GALNT17: variants seen among roughly 807,000 people sequenced by gnomAD.
GALNT17 encodes polypeptide N-acetylgalactosaminyltransferase 17.
Under a neutral mutation model 63.7 loss-of-function variants are expected in GALNT17, and 29 were observed. The observed-to-expected ratio is 0.46, with a 90% CI of 0.34 to 0.62. The LOEUF is 0.62. GALNT17 is among the 20% of genes least tolerant of loss of function. The pLI is 0.01. For synonymous variants in GALNT17, 305 were observed against 318.3 expected, an observed-to-expected ratio of 0.96 and a Z score of 0.45; for missense variants, 603 against 799.6, an observed-to-expected ratio of 0.75 and a Z score of 2.97.
At chr7:71,462,960 G>A (rs992435196) in intron 5 of GALNT17, among the ~76,000 whole-genome samples, 1 of 152,186 alleles carries the variant, frequency 6.6e-6, no homozygotes, top group Non-Finnish European at 1.5e-5. Flanking sequence ...CACTGAGACA[G>A]CAGATTGCAG....
chr7:71,538,829 TGGAC>T (rs562617442), intron 5 of GALNT17, among the ~76,000 whole-genome samples: 9 of 147,880 alleles, frequency 6.1e-5, no homozygotes, highest in African/African-American at 1.8e-4. Context: ...GACGGACAGT[TGGAC>T]GGAGGGAGAG....
chr7:71,276,356 C>T (rs560149955), intron 1 of GALNT17, among the ~76,000 whole-genome samples: 2 of 152,274 alleles, frequency 1.3e-5, no homozygotes, highest in South Asian at 4.1e-4. Flanking sequence ...TTAAAAGATA[C>T]CTGCACTTGT....
intron 5 of GALNT17, among the ~76,000 whole-genome samples, chr7:71,516,041 G>C (rs142575519): frequency 6.6e-6 from 1 of 152,078 alleles, no homozygotes; most frequent in Non-Finnish European, 1.5e-5. Context: ...TCTTGCAATC[G>C]GTCAACTGCA....
chr7:71,142,460 C>T (rs901886154), intron 1 of GALNT17, among the ~76,000 whole-genome samples: 3 of 152,188 alleles, frequency 2.0e-5, no homozygotes, highest in Non-Finnish European at 4.4e-5. Flanking sequence ...GAAATGGCAG[C>T]CTGTCTGACA....
intron 1 of GALNT17, among the ~76,000 whole-genome samples, chr7:71,183,134 CTG>C (rs1225442012): frequency 6.6e-6 from 1 of 152,128 alleles, no homozygotes; most frequent in African/African-American, 2.4e-5. Flanking sequence ...AAGGCGGAAA[CTG>C]TGCCAGAGAT....
At chr7:71,465,621 T>C (rs1787522901) in intron 5 of GALNT17, among the ~76,000 whole-genome samples, 1 of 152,220 alleles carries the variant, frequency 6.6e-6, no homozygotes, top group African/African-American at 2.4e-5. Context: ...CTCCTCCTAC[T>C]GTGTCCAAAC....
intron 1 of GALNT17, among the ~76,000 whole-genome samples, chr7:71,237,913 G>A (rs1789924664): frequency 1.3e-5 from 2 of 152,258 alleles, no homozygotes; most frequent in African/African-American, 4.8e-5. Flanking sequence ...ATGCGTTAGG[G>A]GGCACCCGTT....
intron 6 of GALNT17, among the ~76,000 whole-genome samples, chr7:71,573,337 T>A (rs905224517): frequency 2.1e-4 from 31 of 150,780 alleles, no homozygotes; most frequent in African/African-American, 5.9e-4. Flanking sequence ...TTTATTTATT[T>A]ATTTATTTTT....
rs1255244697 is a variant in GALNT17, at chr7:71,377,093, A to T, written c.423-11142A>T. On this transcript the variant is annotated intron_variant, in intron 2 of 10. Coordinates refer to ENST00000333538, the MANE Select transcript of GALNT17 (RefSeq NM_022479.3). ...AGAGCGATATTCCATCTCAAAAAAAAAAAAAAATAAAAATAAAAAAAATAT... is the reference window on the plus strand; with the variant it reads ...AGAGCGATATTCCATCTCAAAAAAATAAAAAAATAAAAATAAAAAAAATAT... Among the ~76,000 whole-genome samples, 50 of 65,386 alleles carry T rather than the reference A, an allele frequency of 7.6e-4. 8 individuals are homozygous for T. The highest frequency in any genetic ancestry group is 5.0e-4 in the Non-Finnish European group (18 of 35,816). 42.9% of individuals were successfully genotyped at this position (65,386 alleles called of 152,430 possible). A position where few individuals can be genotyped will look rare whatever the true frequency, so the allele number is the denominator to read the frequency against.
chr7:71,710,916 G>T lies in GALNT17; in HGVS notation c.1656G>T (p.Trp552Cys), dbSNP rs1215444501. 6.2e-7 allele frequency: 1 copy of T among 1,613,746 alleles called. No individual in the cohort carries two copies. The highest frequency in any genetic ancestry group is 1.7e-5 in the Admixed American group (1 of 60,022). Residue 552 changes from tryptophan (W) to cysteine (C), a missense_variant, in exon 10 of 11, where the codon TGG (tryptophan) becomes TGT (cysteine). Trp to Cys is a radical substitution (Grantham distance 215). This residue lies in a region of GALNT17 where 72 missense variants were observed against 76.9 expected (regional missense o/e 0.94). Transcript: ENST00000333538. Reference protein sequence around the residue: ...DKVKSSLYKRWNFIQNGAIMN... With the variant: ...DKVKSSLYKRCNFIQNGAIMN... ...TCAAGAGCAGCCTGTACAAGCGCTG[G>T]AACTTCATCCAGGTGAGTGCTGTAT...
At chr7:71,442,298 G>A (rs1000740956) in intron 5 of GALNT17, among the ~76,000 whole-genome samples, 21 of 152,198 alleles carry the variant, frequency 1.4e-4, no homozygotes, top group African/African-American at 4.8e-4. Flanking sequence ...CCGGGTTTAC[G>A]CCATTCTCCT....
chr7:71,547,690 G>C (rs574820305), intron 5 of GALNT17, among the ~76,000 whole-genome samples: 1 of 152,264 alleles, frequency 6.6e-6, no homozygotes, highest in African/African-American at 2.4e-5. Context: ...CATTGATAAT[G>C]AAAGCAGTTT....
intron 8 of GALNT17, among the ~76,000 whole-genome samples, chr7:71,671,512 A>G (rs553197891): frequency 3.9e-5 from 6 of 152,314 alleles, no homozygotes; most frequent in African/African-American, 1.4e-4. Flanking sequence ...GGAATTTGGA[A>G]TGGGATGCTC....
At chr7:71,624,083 T>G (rs765822633) in intron 6 of GALNT17, among the ~76,000 whole-genome samples, 3 of 152,150 alleles carry the variant, frequency 2.0e-5, no homozygotes, top group Admixed American at 6.5e-5. Context: ...CTTTGCGATG[T>G]CGGCGGCTGT....
intron 5 of GALNT17, among the ~76,000 whole-genome samples, chr7:71,470,075 G>A (rs1232327627): frequency 2.0e-5 from 3 of 152,144 alleles, no homozygotes; most frequent in African/African-American, 7.2e-5. Context: ...CGTGCATGGT[G>A]GCAGATGTCC....
intron 1 of GALNT17, among the ~76,000 whole-genome samples, chr7:71,171,920 C>T (rs905940049): frequency 1.3e-5 from 2 of 152,146 alleles, no homozygotes; most frequent in African/African-American, 4.8e-5. Flanking sequence ...TTTTGACTTT[C>T]CGTCGTTTGA....
intron 9 of GALNT17, among the ~76,000 whole-genome samples, chr7:71,708,842 T>C (rs992037853): frequency 2.0e-5 from 3 of 152,150 alleles, no homozygotes; most frequent in African/African-American, 7.2e-5. Flanking sequence ...TTAATTCTCT[T>C]AGAATAATGG....
At chr7:71,558,619 T>A (rs752902309) in intron 5 of GALNT17, among the ~76,000 whole-genome samples, 1 of 152,168 alleles carries the variant, frequency 6.6e-6, no homozygotes, top group African/African-American at 2.4e-5. Context: ...ACACAGTATA[T>A]ATAAAGTGTC....
intron 5 of GALNT17, among the ~76,000 whole-genome samples, chr7:71,506,622 T>C (rs1788273869): frequency 6.6e-6 from 1 of 152,182 alleles, no homozygotes; most frequent in African/African-American, 2.4e-5. Context: ...AAATAATAAT[T>C]GTATATATGT....
Sources: allele counts gnomAD v4.1 joint callset (sites outside exome capture counted in the v4.1 genomes callset), GRCh38; gene constraint gnomAD v4.1.1; regional missense constraint gnomAD v4.1.1; transcripts MANE v1.5; gene names NCBI Gene and HGNC (gene_info 2026-07-23, HGNC 2026-07-21).